LTBP1: variants seen among roughly 807,000 people sequenced by gnomAD.
LTBP1 encodes the protein latent transforming growth factor beta binding protein 1.
Under a neutral mutation model 207.6 loss-of-function variants are expected in LTBP1, and 129 were observed. That is an observed-to-expected ratio of 0.62 (90% CI 0.54 to 0.72). The LOEUF (loss-of-function observed/expected upper bound fraction) is 0.72. Among genes scored for constraint, LTBP1 ranks in the 30% least tolerant of loss-of-function variants. The pLI is 0.00. For missense variants in LTBP1, 2,281 were observed against 2,217.2 expected, an observed-to-expected ratio of 1.03 and a Z score of -0.58; for synonymous variants, 963 against 833.7, an observed-to-expected ratio of 1.16 and a Z score of -2.67.
At chr2:33,084,891 C>T (rs1204417218) in intron 3 of LTBP1, among the ~76,000 whole-genome samples, 4 of 152,178 alleles carry the variant, frequency 2.6e-5, no homozygotes, top group Admixed American at 6.5e-5. Flanking sequence ...TGGTTTCCAG[C>T]CTTTGGGGGT....
chr2:33,265,579 A>G (rs2148126159), intron 15 of LTBP1, among the ~76,000 whole-genome samples: 1 of 152,334 alleles, frequency 6.6e-6, no homozygotes, highest in African/African-American at 2.4e-5. Flanking sequence ...CAATATTGCT[A>G]AATTTAAGAT....
At position 33,272,015 on chromosome 2, in the gene LTBP1, AT is replaced by A. The variant is rs553950435; in HGVS notation, c.2618-1638del. ...ACTAGACTCACAAAAGGTATAAGTA[AT>A]TTGTAAATACATGGGGTGTGCATAC... On this transcript the variant is annotated intron_variant, in intron 15 of 33. Coordinates refer to ENST00000404816, the MANE Select transcript of LTBP1 (RefSeq NM_206943.4). Among the ~76,000 whole-genome samples, 283 of 152,358 alleles carry A rather than the reference AT, an allele frequency of 1.9e-3. 1 individual carries two copies. Among genetic ancestry groups the A allele is most frequent in the African/African-American group, 6.1e-3 (254 of 41,580 alleles).
At chr2:33,219,659 A>G (rs1226250467) in intron 8 of LTBP1, among the ~76,000 whole-genome samples, 2 of 152,154 alleles carry the variant, frequency 1.3e-5, no homozygotes, top group Non-Finnish European at 2.9e-5. Context: ...AGTTAGGTTC[A>G]TAGAACTTTG....
intron 18 of LTBP1, among the ~76,000 whole-genome samples, chr2:33,279,357 T>C (rs894111245): frequency 1.3e-5 from 2 of 152,174 alleles, no homozygotes; most frequent in Non-Finnish European, 2.9e-5. Flanking sequence ...GATTTTTTTC[T>C]CCCCAAATTG....
intron 3 of LTBP1, among the ~76,000 whole-genome samples, chr2:33,066,438 A>G (rs1040862584): frequency 1.3e-5 from 2 of 152,210 alleles, no homozygotes. Context: ...TGGCATGTGT[A>G]TTAACTTACA....
intron 3 of LTBP1, among the ~76,000 whole-genome samples, chr2:33,052,901 T>A (rs1161862146): frequency 6.7e-6 from 1 of 150,126 alleles, no homozygotes; most frequent in Non-Finnish European, 1.5e-5. Context: ...TGAGATGGAG[T>A]CTCACTCTTG....
intron 2 of LTBP1, among the ~76,000 whole-genome samples, chr2:32,954,989 T>A (rs1677846074): frequency 6.6e-6 from 1 of 152,196 alleles, no homozygotes; most frequent in Non-Finnish European, 1.5e-5. Context: ...AGGTTGGTGT[T>A]TCTTACACAT....
intron 32 of LTBP1, among the ~76,000 whole-genome samples, chr2:33,396,628 C>T (rs747853060): frequency 3.3e-5 from 5 of 152,286 alleles, no homozygotes; most frequent in Non-Finnish European, 7.4e-5. Flanking sequence ...AGGCTCATTC[C>T]GTAGCCAGAG....
chr2:33,191,511 G>C (rs967749525), intron 7 of LTBP1, among the ~76,000 whole-genome samples: 5 of 152,164 alleles, frequency 3.3e-5, no homozygotes, highest in Non-Finnish European at 7.3e-5. Flanking sequence ...GAGGAATGTT[G>C]CTGGATGCTA....
At chr2:33,237,250 A>G (rs978632122) in intron 9 of LTBP1, among the ~76,000 whole-genome samples, 18 of 152,204 alleles carry the variant, frequency 1.2e-4, no homozygotes, top group Non-Finnish European at 2.5e-4. Flanking sequence ...CAGAAAAACA[A>G]GAGATTTTGC....
chr2:33,301,337 G>C (rs2093985937), intron 21 of LTBP1, among the ~76,000 whole-genome samples, 185 bp from the exon 22 acceptor site: 1 of 152,132 alleles, frequency 6.6e-6, no homozygotes, highest in Admixed American at 6.5e-5. Context: ...ACGTCTTCAT[G>C]TATACTCTGA....
chr2:33,174,015 A>G (rs1276109930), intron 5 of LTBP1, among the ~76,000 whole-genome samples: 1 of 139,142 alleles, frequency 7.2e-6, no homozygotes, highest in Non-Finnish European at 1.6e-5. Flanking sequence ...TCAAAATAAT[A>G]AGAGCTATCT....
At chr2:33,071,641 C>T (rs1313376097) in intron 3 of LTBP1, among the ~76,000 whole-genome samples, 3 of 25,436 alleles carry the variant, frequency 1.2e-4, no homozygotes, top group Non-Finnish European at 2.0e-3. Flanking sequence ...GTTATGATGT[C>T]GTAACAAGTC....
At chr2:33,075,708 G>C (rs2078043426) in intron 3 of LTBP1, among the ~76,000 whole-genome samples, 1 of 152,102 alleles carries the variant, frequency 6.6e-6, no homozygotes, top group East Asian at 1.9e-4. Context: ...ACTTTACTGG[G>C]TGTTATGTTT....
intron 2 of LTBP1, among the ~76,000 whole-genome samples, chr2:32,983,517 G>A (rs1396949210): frequency 6.6e-6 from 1 of 152,152 alleles, no homozygotes; most frequent in Non-Finnish European, 1.5e-5. Context: ...GGGGCCAGGG[G>A]TGGAATGATA....
At chr2:33,253,973 T>A (rs917025498) in intron 11 of LTBP1, among the ~76,000 whole-genome samples, 38 of 143,208 alleles carry the variant, frequency 2.7e-4, no homozygotes, top group Middle Eastern at 3.4e-3. Flanking sequence ...CACTGCAAGC[T>A]CCGCCTCCCA....
intron 2 of LTBP1, among the ~76,000 whole-genome samples, chr2:32,982,110 G>T (rs1478464686): frequency 6.6e-6 from 1 of 152,202 alleles, no homozygotes; most frequent in Non-Finnish European, 1.5e-5. Context: ...CTAGAGACTT[G>T]TTGAATGGCT....
At chr2:33,152,352 A>G (rs557480653) in intron 5 of LTBP1, among the ~76,000 whole-genome samples, 5 of 152,332 alleles carry the variant, frequency 3.3e-5, no homozygotes, top group Admixed American at 2.6e-4. Context: ...AATGCAAATC[A>G]AAACTACAGT....
chr2:33,081,690 C>T (rs2078414169), intron 3 of LTBP1, among the ~76,000 whole-genome samples: 4 of 152,122 alleles, frequency 2.6e-5, no homozygotes, highest in African/African-American at 9.7e-5. Context: ...TATTGTTTGG[C>T]TGTGTCCCCA....
Sources: allele counts gnomAD v4.1 joint callset (sites outside exome capture counted in the v4.1 genomes callset), GRCh38; gene constraint gnomAD v4.1.1; transcripts MANE v1.5; gene names NCBI Gene and HGNC (gene_info 2026-07-23, HGNC 2026-07-21).